GALNT13: variants seen among roughly 807,000 people sequenced by gnomAD.
GALNT13 encodes UDP-GalNAc:polypeptide N-acetylgalactosaminyltransferase 13.
In GALNT13, 28 loss-of-function variants were observed where a neutral mutation model predicts 64.2. The ratio of observed to expected loss-of-function variants is 0.44; its 90% CI spans 0.32 to 0.60. The LOEUF (loss-of-function observed/expected upper bound fraction) is 0.60. GALNT13 is among the 20% of genes least tolerant of loss of function. The pLI, the probability that GALNT13 is intolerant of heterozygous loss-of-function variation, is 0.05. For missense variants in GALNT13, 577 were observed against 669.8 expected (o/e 0.86, Z 1.53); for synonymous variants, 214 against 224.6 (o/e 0.95, Z 0.42).
At chr2:153,551,276 A>G in the GALNT13 span, among the ~76,000 whole-genome samples, 1 of 152,192 alleles carries the variant, frequency 6.6e-6, no homozygotes, top group African/African-American at 2.4e-5. Flanking sequence ...TTGGGCAGCA[A>G]TTTCTCATGA....
At chr2:153,155,340 C>T in the GALNT13 span, among the ~76,000 whole-genome samples, 1 of 152,114 alleles carries the variant, frequency 6.6e-6, no homozygotes, top group Non-Finnish European at 1.5e-5. Context: ...AGCTGTGAAT[C>T]TTTTTTGGTC....
the GALNT13 span, among the ~76,000 whole-genome samples, chr2:153,631,592 G>C: frequency 6.6e-6 from 1 of 152,094 alleles, no homozygotes; most frequent in Non-Finnish European, 1.5e-5. Flanking sequence ...TGTATCTGTT[G>C]GCTGCATAAA....
At chr2:153,821,217 T>A in the GALNT13 span, among the ~76,000 whole-genome samples, 1 of 152,136 alleles carries the variant, frequency 6.6e-6, no homozygotes, top group South Asian at 2.1e-4. Context: ...ATTCTGGACT[T>A]AAGTTCAGCA....
the GALNT13 span, among the ~76,000 whole-genome samples, chr2:153,256,883 C>T: frequency 1.3e-5 from 2 of 152,210 alleles, no homozygotes; most frequent in Admixed American, 6.5e-5. Context: ...TTTAAGTCTG[C>T]AGAGGTTACT....
chr2:154,138,464 C>T (rs1379422532), intron 3 of GALNT13, among the ~76,000 whole-genome samples: 1 of 151,486 alleles, frequency 6.6e-6, no homozygotes, highest in Admixed American at 6.6e-5. Flanking sequence ...AATTATTTAA[C>T]CATTCAAAAG....
the GALNT13 span, among the ~76,000 whole-genome samples, chr2:153,674,517 G>T: frequency 2.0e-5 from 3 of 152,194 alleles, no homozygotes; most frequent in South Asian, 2.1e-4. Flanking sequence ...TCTGAAATTG[G>T]ATGCCTTCCT....
At chr2:153,722,778 C>A in the GALNT13 span, among the ~76,000 whole-genome samples, 1 of 152,044 alleles carries the variant, frequency 6.6e-6, no homozygotes, top group African/African-American at 2.4e-5. Flanking sequence ...TCTGAATGGA[C>A]CAATAACAGG....
the GALNT13 span, among the ~76,000 whole-genome samples, chr2:153,131,838 T>G: frequency 6.6e-6 from 1 of 151,936 alleles, no homozygotes; most frequent in Admixed American, 6.6e-5. Context: ...ATTTGGAGTA[T>G]GAGTAAATTG....
At chr2:153,828,818 T>G in the GALNT13 span, among the ~76,000 whole-genome samples, 1 of 152,358 alleles carries the variant, frequency 6.6e-6, no homozygotes, top group Admixed American at 6.5e-5. Flanking sequence ...TTTTATGCTC[T>G]GCTTCACTTA....
intron 3 of GALNT13, among the ~76,000 whole-genome samples, chr2:153,970,079 T>G (rs575439248): frequency 6.6e-6 from 1 of 152,330 alleles, no homozygotes; most frequent in East Asian, 1.9e-4. Flanking sequence ...GCTGTATCAC[T>G]TAGTTTTCAA....
At chr2:153,304,514 A>G in the GALNT13 span, among the ~76,000 whole-genome samples, 5 of 152,214 alleles carry the variant, frequency 3.3e-5, no homozygotes, top group African/African-American at 1.2e-4. Flanking sequence ...GGGTATAAAT[A>G]GGACTCCCTC....
chr2:153,701,725 A>G, the GALNT13 span, among the ~76,000 whole-genome samples: 7 of 152,354 alleles, frequency 4.6e-5, no homozygotes, highest in East Asian at 7.7e-4. Flanking sequence ...AGACACATGA[A>G]AAAAACCTCA....
At chr2:153,732,253 A>C in the GALNT13 span, among the ~76,000 whole-genome samples, 3 of 152,008 alleles carry the variant, frequency 2.0e-5, no homozygotes, top group Admixed American at 2.0e-4. Context: ...CAGAAAACAA[A>C]TGATACCTTC....
the GALNT13 span, among the ~76,000 whole-genome samples, chr2:153,835,631 A>G: frequency 6.6e-6 from 1 of 152,050 alleles, no homozygotes; most frequent in Non-Finnish European, 1.5e-5. Flanking sequence ...TTACTTTTAA[A>G]ATATAGAAAT....
chr2:153,692,866 A>G, the GALNT13 span, among the ~76,000 whole-genome samples: 36 of 152,316 alleles, frequency 2.4e-4, no homozygotes, highest in African/African-American at 8.2e-4. Flanking sequence ...AGTGGAGAAG[A>G]GTAAGACTCA....
the GALNT13 span, among the ~76,000 whole-genome samples, chr2:153,733,967 C>G: frequency 5.9e-5 from 9 of 152,122 alleles, no homozygotes; most frequent in Non-Finnish European, 1.3e-4. Flanking sequence ...TCTTCAATGT[C>G]TACATTGTCT....
chr2:153,806,091 A>C, the GALNT13 span, among the ~76,000 whole-genome samples: 1 of 152,110 alleles, frequency 6.6e-6, no homozygotes, highest in Admixed American at 6.6e-5. Context: ...AGGTAGTCTT[A>C]AAATACTATT....
chr2:153,284,152 G>A, the GALNT13 span, among the ~76,000 whole-genome samples: 4,608 of 152,232 alleles, frequency 0.03, 230 homozygotes, highest in African/African-American at 0.1. Context: ...GTGAAATGAA[G>A]AGAGCCCTAC....
the GALNT13 span, among the ~76,000 whole-genome samples, chr2:153,263,434 AG>A: frequency 6.6e-6 from 1 of 152,186 alleles, no homozygotes; most frequent in Admixed American, 6.5e-5. Flanking sequence ...TCACAGAATT[AG>A]AAAAAAATCT....
Sources: allele counts gnomAD v4.1 joint callset (sites outside exome capture counted in the v4.1 genomes callset), GRCh38; gene constraint gnomAD v4.1.1; transcripts MANE v1.5; gene names NCBI Gene and HGNC (gene_info 2026-07-23, HGNC 2026-07-21).